Variants in LSG1 observed in about 807,000 individuals in gnomAD.
LSG1 encodes the protein large 60S subunit nuclear export GTPase 1.
In LSG1, 55 loss-of-function variants were observed where a neutral mutation model predicts 82.6. The ratio of observed to expected loss-of-function variants is 0.67; its 90% CI spans 0.54 to 0.83. The LOEUF (loss-of-function observed/expected upper bound fraction) is 0.83. Among genes scored for constraint, LSG1 ranks in the 40% least tolerant of loss-of-function variants. The pLI is 0.00. For missense variants in LSG1, 809 were observed against 807.9 expected, an observed-to-expected ratio of 1.00 and a Z score of -0.02; for synonymous variants, 272 against 282.5, an observed-to-expected ratio of 0.96 and a Z score of 0.37.
At chr3:194,656,999 G>C (rs1718803549) in intron 7 of LSG1, among the ~76,000 whole-genome samples, 1 of 152,078 alleles carries the variant, frequency 6.6e-6, no homozygotes, top group African/African-American at 2.4e-5. Flanking sequence ...GGACTGTTGT[G>C]GGGTCGGGGG....
rs748024368 is a variant in LSG1, at chr3:194,658,989, C to A, written c.727G>T (p.Ala243Ser). 7.7e-5 allele frequency: 124 copies of A among 1,614,064 alleles called. 1 individual carries two copies. The highest frequency in any genetic ancestry group is 6.6e-4 in the Middle Eastern group (4 of 6,084). Residue 243 changes from alanine to serine, a missense_variant, in exon 7 of 14, where the codon GCC becomes TCC. Physicochemically the swap from Ala to Ser is moderately conservative, Grantham distance 99. Transcript: ENST00000265245. ...TCACCATTCAGGGGAATGGCTCCGG[C>A]CAAAGCTGACCAGAAAATAACCTTC... ...DVKVIFWSAL[A>S]GAIPLNGDSE... is the part of the protein sequence containing the mutation.
At chr3:194,651,323 T>C in intron 8 of LSG1, 107 bp from the exon 9 acceptor site, 1 of 738,894 alleles carries the variant, frequency 1.4e-6, no homozygotes, top group South Asian at 1.7e-5. Flanking sequence ...CTGGTTACTT[T>C]AGAAAATTAT....
chr3:194,664,440 T>C (rs545078751), intron 5 of LSG1, among the ~76,000 whole-genome samples: 2 of 152,268 alleles, frequency 1.3e-5, no homozygotes, highest in South Asian at 4.1e-4. Flanking sequence ...TTGAAAGTAA[T>C]TCAGAAACTC....
chr3:194,647,064 G>A (rs1718569092), intron 11 of LSG1, among the ~76,000 whole-genome samples: 1 of 152,240 alleles, frequency 6.6e-6, no homozygotes, highest in Non-Finnish European at 1.5e-5. Flanking sequence ...ACTAGCTGTC[G>A]ACTGGCTTTT....
chr3:194,644,478 G>T, intron 13 of LSG1, 95 bp downstream of exon 13: 1 of 695,208 alleles, frequency 1.4e-6, no homozygotes, highest in Non-Finnish European at 2.2e-6. Context: ...ACCCTTTTTG[G>T]GGTTAATAAA....
At chr3:194,655,500 GGTAA>G (rs1237663974) in intron 7 of LSG1, among the ~76,000 whole-genome samples, 2 of 151,990 alleles carry the variant, frequency 1.3e-5, no homozygotes, top group East Asian at 3.9e-4. Context: ...GCCTAAGAAT[GGTAA>G]GTATCTATAC....
chr3:194,668,590 T>C (rs551393406), intron 2 of LSG1, among the ~76,000 whole-genome samples: 1 of 152,332 alleles, frequency 6.6e-6, no homozygotes, highest in South Asian at 2.1e-4. Flanking sequence ...GTGTTCTTGT[T>C]CCTCTTATTT....
chr3:194,644,863 T>C (rs1176383362), intron 12 of LSG1, 117 bp from the exon 13 acceptor site: 8 of 753,352 alleles, frequency 1.1e-5, no homozygotes, highest in African/African-American at 3.6e-5. Flanking sequence ...TTAAGTTAGC[T>C]GAGTTGAGTT....
chr3:194,652,820 C>T lies in LSG1; in HGVS notation c.1082G>A (p.Ser361Asn). ...TAACTCCTGCTTGGATACCAGATGG[C>T]TAAAATTGTGTATCTGCCTCTTCTG... is the stretch of plus-strand genomic sequence containing the variant. The part of the protein sequence containing the change: ...TPQKRQIHNF[S>N]HLVSKQELLE... Residue 361 changes from serine (S) to asparagine (N), a missense_variant, in exon 8 of 14, where the codon AGC becomes AAC. Physicochemically the swap from Ser to Asn is conservative, Grantham distance 46 (BLOSUM62 1). Coordinates refer to ENST00000265245, the MANE Select transcript of LSG1 (RefSeq NM_018385.3). The T allele has an allele frequency of 6.2e-7, 1 of 1,614,140 alleles. No individual in the cohort carries two copies. The highest frequency in any genetic ancestry group is 8.5e-7 in the Non-Finnish European group (1 of 1,180,034).
At chr3:194,667,737 C>T (rs989352094) in intron 2 of LSG1, among the ~76,000 whole-genome samples, 1 of 151,060 alleles carries the variant, frequency 6.6e-6, no homozygotes, top group South Asian at 2.1e-4. Flanking sequence ...GCCTGGCCTA[C>T]AAGGTGAAAC....
At chr3:194,664,591 C>T (rs1008329254) in intron 5 of LSG1, among the ~76,000 whole-genome samples, 5 of 152,096 alleles carry the variant, frequency 3.3e-5, no homozygotes, top group African/African-American at 1.2e-4. Context: ...TTGTCAAAAT[C>T]ATTCTCTTCT....
At chr3:194,653,513 C>G (rs1429837649) in intron 7 of LSG1, among the ~76,000 whole-genome samples, 1 of 79,776 alleles carries the variant, frequency 1.3e-5, no homozygotes, top group South Asian at 6.0e-4. Flanking sequence ...GGCTCTGTCT[C>G]ACAAAAAAAA....
intron 7 of LSG1, among the ~76,000 whole-genome samples, chr3:194,657,331 C>T (rs1418634553): frequency 6.6e-6 from 1 of 152,016 alleles, no homozygotes. Context: ...TAACTGCACA[C>T]TCTAAAATGA....
At chr3:194,645,957 A>AT (rs1221687630) in intron 12 of LSG1, among the ~76,000 whole-genome samples, 1 of 152,200 alleles carries the variant, frequency 6.6e-6, no homozygotes, top group Non-Finnish European at 1.5e-5. Context: ...TATATTGGTG[A>AT]TTTTCACTCA....
chr3:194,653,272 T>C lies in LSG1; in HGVS notation c.760-130A>G. On this transcript the variant is annotated intron_variant, in intron 7 of 13. Coordinates refer to ENST00000265245, the MANE Select transcript of LSG1 (RefSeq NM_018385.3). ...GCTCAAGCCTGTAATCCCAGCACTT[T>C]GGGAGGCCAAGGTGCGCAGATCATT... 1.3e-5 allele frequency: 12 copies of C among 916,660 alleles called. No individual in the cohort carries two copies. The South Asian group carries it at 2.0e-4, about 15-fold the overall frequency. The allele number at this position is 916,660 out of a possible 1,614,324, so 56.8% of individuals were successfully genotyped here.
intron 5 of LSG1, among the ~76,000 whole-genome samples, chr3:194,661,518 G>C (rs1413389428): frequency 6.6e-6 from 1 of 152,216 alleles, no homozygotes; most frequent in Admixed American, 6.5e-5. Flanking sequence ...CAGCACAATG[G>C]AAGTGCCTTA....
At chr3:194,663,432 C>T (rs9854402) in intron 5 of LSG1, among the ~76,000 whole-genome samples, 935 of 13,624 alleles carry the variant, frequency 0.069, 5 homozygotes, top group East Asian at 0.24. Flanking sequence ...TCTTCCGCCT[C>T]AGAGAAAGCC....
rs778816404 is a variant in LSG1, at chr3:194,666,567, G to C, written c.232C>G (p.Leu78Val). ...LAGTEFVAEK[L>V]NIKFVPAEAR... Reference sequence around the variant, plus strand: ...TCAGCAGGCACAAACTTAATATTAAGTTTCTCTGTTCAAATAAAGAAAAGT... The same window carrying C: ...TCAGCAGGCACAAACTTAATATTAACTTTCTCTGTTCAAATAAAGAAAAGT... The change falls in exon 3 of 14, where the codon CTT becomes GTT. Residue 78 changes from leucine (L) to valine (V), a missense_variant. Physicochemically the swap from Leu to Val is conservative, Grantham distance 32. Coordinates refer to ENST00000265245, the MANE Select transcript of LSG1 (RefSeq NM_018385.3). The C allele has an allele frequency of 6.2e-7, 1 of 1,610,660 alleles. No homozygotes were observed. The highest frequency in any genetic ancestry group is 1.3e-5 in the African/African-American group (1 of 74,776).
In LSG1 at chr3:194,670,070, T is replaced by C; in HGVS notation, c.165A>G (p.Glu55=). The change falls in exon 2 of 14, where the codon GAA becomes GAG. Residue 55 remains glutamate, a synonymous_variant. Coordinates refer to ENST00000265245, the MANE Select transcript of LSG1 (RefSeq NM_018385.3). ...CAAGGAAGTCATCAAGGGAGCTCTG[T>C]TCAGTCACTGACTGAAGATTAAGAC... ...WGRLNLQSVT[E]QSSLDDFLAT... 6.2e-7 allele frequency: 1 copy of C among 1,614,180 alleles called. No individual in the cohort carries two copies. The highest frequency in any genetic ancestry group is 8.5e-7 in the Non-Finnish European group (1 of 1,180,004).
Sources: gnomAD v4.1 joint callset for allele counts (sites outside exome capture counted in the v4.1 genomes callset) on GRCh38, gnomAD v4.1.1 for gene constraint, MANE v1.5 for transcripts, NCBI Gene and HGNC (gene_info 2026-07-23, HGNC 2026-07-21) for gene names.